RNF220: variants seen among roughly 807,000 people sequenced by gnomAD.
The protein encoded by RNF220 is E3 ubiquitin-protein ligase RNF220.
RNF220 carries 7 observed loss-of-function variants against 67.1 expected under a neutral mutation model. The ratio of observed to expected loss-of-function variants is 0.10; its 90% CI spans 0.06 to 0.20. The LOEUF (loss-of-function observed/expected upper bound fraction) is 0.20, where lower values mean the gene tolerates loss of function less well. Ranked by LOEUF, RNF220 falls within the 10% of genes least tolerant of loss-of-function variation. The pLI, the probability that RNF220 is intolerant of heterozygous loss-of-function variation, is 1.00. For synonymous variants in RNF220, 270 were observed against 283.2 expected (o/e 0.95, Z 0.47); for missense variants, 565 against 740.3 (o/e 0.76, Z 2.75).
chr1:44,489,526 A>G (rs116593999), intron 2 of RNF220, among the ~76,000 whole-genome samples: 3,160 of 152,346 alleles, frequency 0.021, 104 homozygotes, highest in South Asian at 0.13. Flanking sequence ...AGTTCCCACT[A>G]TGTGCCAGGC....
intron 2 of RNF220, among the ~76,000 whole-genome samples, chr1:44,511,686 T>C (rs532552640): frequency 6.6e-6 from 1 of 152,346 alleles, no homozygotes; most frequent in South Asian, 2.1e-4. Context: ...TCTGGGAACA[T>C]ACTAAGCGGG....
At position 44,512,705 on chromosome 1, in the gene RNF220, C is replaced by T. The variant is rs568561683; in HGVS notation, c.625+99983C>T. Among the ~76,000 whole-genome samples the T allele has an allele frequency of 9.2e-5, 14 of 152,260 alleles. No individual in the cohort carries two copies. The East Asian group carries it at 1.4e-3, about 15-fold the overall frequency. On this transcript the variant is annotated intron_variant, in intron 2 of 14. Transcript: ENST00000361799. Reference sequence around the variant, plus strand: ...TCTGTTTAGCTTGGCTAAGTGACGACGGAGGCGGCAGGAGTGGAGAGGCAT... The same window carrying T: ...TCTGTTTAGCTTGGCTAAGTGACGATGGAGGCGGCAGGAGTGGAGAGGCAT...
chr1:44,451,861 C>G (rs1005463815), intron 2 of RNF220, among the ~76,000 whole-genome samples: 1 of 152,146 alleles, frequency 6.6e-6, no homozygotes, highest in Non-Finnish European at 1.5e-5. Flanking sequence ...CCTCGTTATC[C>G]GCCCACCTGG....
chr1:44,432,194 G>A (rs1572481710), intron 2 of RNF220, among the ~76,000 whole-genome samples: 1 of 152,252 alleles, frequency 6.6e-6, no homozygotes. Flanking sequence ...GTATGCATTG[G>A]GGAGGGGAAC....
At chr1:44,608,335 G>A (rs1667429743) in intron 2 of RNF220, among the ~76,000 whole-genome samples, 1 of 152,164 alleles carries the variant, frequency 6.6e-6, no homozygotes, top group African/African-American at 2.4e-5. Flanking sequence ...CTTCATTATT[G>A]TCTGGCATCT....
At chr1:44,536,434 A>G (rs1158708448) in intron 2 of RNF220, among the ~76,000 whole-genome samples, 2 of 152,096 alleles carry the variant, frequency 1.3e-5, no homozygotes, top group Non-Finnish European at 2.9e-5. Flanking sequence ...GATTTACAAG[A>G]CCTCATTAAA....
chr1:44,598,534 T>C (rs893691243), intron 2 of RNF220, among the ~76,000 whole-genome samples: 1 of 152,060 alleles, frequency 6.6e-6, no homozygotes, highest in Non-Finnish European at 1.5e-5. Context: ...GTAGGGAAAT[T>C]GCTGAGTGAG....
chr1:44,561,238 G>A (rs1442944661), intron 2 of RNF220, among the ~76,000 whole-genome samples: 5 of 152,298 alleles, frequency 3.3e-5, no homozygotes, highest in East Asian at 3.9e-4. Context: ...GTGGCTGGGC[G>A]CGGTGGCTCA....
intron 2 of RNF220, among the ~76,000 whole-genome samples, chr1:44,451,708 C>A (rs926282833): frequency 4.6e-5 from 7 of 152,196 alleles, no homozygotes; most frequent in Non-Finnish European, 1.0e-4. Context: ...GCAACCTCAG[C>A]CTCCTTGGCT....
rs980781855 is a variant in RNF220 at position 44,549,751 on chromosome 1, C to T, written c.626-64414C>T. On this transcript the variant is annotated intron_variant, in intron 2 of 14. Transcript: ENST00000361799. Reference sequence around the variant, plus strand: ...GTGTTCACCACGTTAGGTAAACACGCCAAGCTGCAGGGGCCGCCTGAATGA... The same window carrying T: ...GTGTTCACCACGTTAGGTAAACACGTCAAGCTGCAGGGGCCGCCTGAATGA... Among the ~76,000 whole-genome samples, 5 of 152,276 alleles carry T rather than the reference C, an allele frequency of 3.3e-5. No homozygotes were observed. The South Asian group carries it at 1.0e-3, about 32-fold the overall frequency.
intron 2 of RNF220, among the ~76,000 whole-genome samples, chr1:44,599,430 T>C (rs1430678676): frequency 1.3e-5 from 2 of 152,098 alleles, no homozygotes; most frequent in African/African-American, 2.4e-5. Flanking sequence ...CCCAGCACTT[T>C]GGGAGGCCGA....
intron 2 of RNF220, among the ~76,000 whole-genome samples, chr1:44,451,241 G>A (rs1272246207): frequency 2.7e-5 from 4 of 150,678 alleles, no homozygotes; most frequent in Admixed American, 6.6e-5. Flanking sequence ...ATCCAAAAGA[G>A]AGAATATTCA....
rs1643820662 is a variant in RNF220 at position 44,622,134 on chromosome 1, A to T, written c.759-608A>T. Among the ~76,000 whole-genome samples the T allele has an allele frequency of 6.6e-6, 1 of 152,178 alleles. No homozygotes were observed. Among genetic ancestry groups the T allele is most frequent in the Non-Finnish European group, 1.5e-5 (1 of 68,022 alleles). ...TTGCATACCAATTTTGTTATTAAAC[A>T]CAGTCCTCGCCTCCCCCACAGCCCA... On this transcript the variant is annotated intron_variant, in intron 3 of 14. Coordinates refer to ENST00000361799, the MANE Select transcript of RNF220 (RefSeq NM_018150.4). The surrounding 1 kb of genome is among the most constrained non-coding windows in gnomAD (Gnocchi z 4.3).
intron 2 of RNF220, among the ~76,000 whole-genome samples, chr1:44,589,615 A>AC (rs1665974300): frequency 7.0e-6 from 1 of 143,718 alleles, no homozygotes; most frequent in Non-Finnish European, 1.5e-5. Context: ...CTGCATCTCA[A>AC]AAAAAAAAAA....
chr1:44,472,357 A>G (rs916495142), intron 2 of RNF220, among the ~76,000 whole-genome samples: 1 of 151,936 alleles, frequency 6.6e-6, no homozygotes, highest in African/African-American at 2.4e-5. Flanking sequence ...TGAGGGTTCC[A>G]GTTTTCCTGG....
At chr1:44,456,060 A>G (rs1653141466) in intron 2 of RNF220, among the ~76,000 whole-genome samples, 1 of 152,198 alleles carries the variant, frequency 6.6e-6, no homozygotes, top group Admixed American at 6.5e-5. Context: ...ATATTCTTAG[A>G]ATAAGGATTC....
rs372982133 is a variant in RNF220, at chr1:44,645,239, G to A, written c.1329G>A (p.Thr443=). The change falls in exon 11 of 15, where the codon ACG becomes ACA. Residue 443 remains threonine, a synonymous_variant. Transcript: ENST00000361799. The surrounding 1 kb of genome is among the most constrained non-coding windows in gnomAD (Gnocchi z 5.0). ...CCTCCAGTGGCGGCCCTCCCAGCACGCGCATCACACCTGAGTTCTCTAAAT... is the reference window on the plus strand; with the variant it reads ...CCTCCAGTGGCGGCCCTCCCAGCACACGCATCACACCTGAGTTCTCTAAAT... The part of the protein sequence containing the change: ...GAVLNGGPPS[T]RITPEFSKWA... 5.3e-5 allele frequency: 86 copies of A among 1,613,848 alleles called. 2 individuals are homozygous for A. In the South Asian group the frequency reaches 6.4e-4, roughly 12 times the overall value.
chr1:44,529,730 A>T (rs1255858396), intron 2 of RNF220, among the ~76,000 whole-genome samples: 1 of 152,168 alleles, frequency 6.6e-6, no homozygotes, highest in Non-Finnish European at 1.5e-5. Flanking sequence ...TAAAAGCACG[A>T]CAGAACACTT....
At chr1:44,437,003 T>C (rs1651043032) in intron 2 of RNF220, among the ~76,000 whole-genome samples, 1 of 152,234 alleles carries the variant, frequency 6.6e-6, no homozygotes, top group African/African-American at 2.4e-5. Flanking sequence ...AGGTGTAAAT[T>C]AACTTAGAAA....
Sources: gnomAD v4.1 joint callset for allele counts (sites outside exome capture counted in the v4.1 genomes callset) on GRCh38, gnomAD v4.1.1 for gene constraint, Gnocchi (gnomAD v3.1) non-coding constraint, MANE v1.5 for transcripts, NCBI Gene and HGNC (gene_info 2026-07-23, HGNC 2026-07-21) for gene names.